The following ZNF568 variants were observed in gnomAD, a reference collection of about 807,000 sequenced individuals.
ZNF568 encodes zinc finger protein 568, also known as p53 inhibitor of SCO2 activation.
A neutral mutation model predicts 18.1 loss-of-function variants in ZNF568; 11 were observed. The ratio of observed to expected loss-of-function variants is 0.61; its 90% CI spans 0.38 to 1.00. The LOEUF (loss-of-function observed/expected upper bound fraction) is 1.00, where lower values mean the gene tolerates loss of function less well. Ranked by LOEUF, ZNF568 falls within the 50% of genes least tolerant of loss-of-function variation. The pLI is 0.01. For synonymous variants in ZNF568, 213 were observed against 246.6 expected, an observed-to-expected ratio of 0.86 and a Z score of 1.28; for missense variants, 639 against 768.2, an observed-to-expected ratio of 0.83 and a Z score of 1.99.
chr19:36,937,205 G>A lies in ZNF568; in HGVS notation c.321G>A (p.Trp107Ter). Residue 107 changes from tryptophan (W) to a stop codon, truncating the protein, a stop_gained, in exon 6 of 7, where the codon TGG becomes TGA. Coordinates refer to ENST00000333987, the MANE Select transcript of ZNF568 (RefSeq NM_198539.4). LOFTEE classifies it low-confidence loss of function (END_TRUNC). ...AGTTGGAGCAAGAAGAGGAGCCCTGGGTGATGGAGGAAGAAATGTTTGGGA... is the reference window on the plus strand; with the variant it reads ...AGTTGGAGCAAGAAGAGGAGCCCTGAGTGATGGAGGAAGAAATGTTTGGGA... ...IFKLEQEEEP[W>*]VMEEEMFGRH... is the part of the protein sequence containing the mutation. 1 of 1,614,010 alleles carries A rather than the reference G, an allele frequency of 6.2e-7. No homozygotes were observed.
chr19:36,971,695 C>T (rs527654052), intron 6 of ZNF568, among the ~76,000 whole-genome samples: 6 of 152,074 alleles, frequency 3.9e-5, no homozygotes, highest in Admixed American at 6.5e-5. Context: ...CACACCACCA[C>T]GCCAGGCTAA....
At chr19:36,945,544 TAATC>T (rs1568390288) in intron 6 of ZNF568, among the ~76,000 whole-genome samples, 2 of 152,190 alleles carry the variant, frequency 1.3e-5, no homozygotes, top group Non-Finnish European at 2.9e-5. Context: ...AAATATGTGT[TAATC>T]AACTATGTTT....
At chr19:36,954,157 G>A (rs749467891), downstream of ZNF568, among the ~76,000 whole-genome samples, 4 of 151,542 alleles carry the variant, frequency 2.6e-5, no homozygotes, top group East Asian at 2.0e-4. Context: ...CTAGAGGGGC[G>A]GAGGTTGCAG....
intron 2 of ZNF568, among the ~76,000 whole-genome samples, chr19:36,921,588 G>A (rs2073457104): frequency 1.3e-5 from 2 of 151,772 alleles, no homozygotes; most frequent in Admixed American, 6.6e-5. Context: ...TGTTTTATTT[G>A]TTCTATCATA....
chr19:36,983,420 C>A (rs759828096), downstream of ZNF568, among the ~76,000 whole-genome samples: 1 of 152,170 alleles, frequency 6.6e-6, no homozygotes, highest in Non-Finnish European at 1.5e-5. Context: ...ATCCTCCCCC[C>A]GCCCATAAGG....
chr19:36,992,542 T>C (rs10421415), intron 4 of ZNF568, among the ~76,000 whole-genome samples: 81,217 of 151,874 alleles, frequency 0.53, 22,236 homozygotes, highest in African/African-American at 0.62. Context: ...CTCCATTTAC[T>C]AGGCTCTCTT....
In ZNF568 at chr19:36,950,755, A is replaced by G. The variant is rs142116071; in HGVS notation, c.1602A>G (p.Gln534=). 173 of 1,613,714 alleles carry G rather than the reference A, an allele frequency of 1.1e-4. No homozygotes were observed. The East Asian group carries it at 3.6e-3, about 34-fold the overall frequency. The part of the protein sequence containing the change: ...HTGEKPYHCN[Q]CGKAFSQRQN... ...GAGAGAAACCTTATCATTGTAATCA[A>G]TGTGGGAAAGCTTTCAGTCAGAGAC... is the stretch of plus-strand genomic sequence containing the variant. Residue 534 remains glutamine, a synonymous_variant, in exon 7 of 7, where the codon CAA becomes CAG. Coordinates refer to ENST00000333987, the MANE Select transcript of ZNF568 (RefSeq NM_198539.4).
chr19:36,956,317 T>G (rs1368374483), downstream of ZNF568, among the ~76,000 whole-genome samples: 5 of 152,222 alleles, frequency 3.3e-5, no homozygotes, highest in Non-Finnish European at 7.3e-5. Flanking sequence ...AAGGTTACAC[T>G]GTCTCCCTTC....
chr19:36,985,683 C>T (rs944841558), intron 2 of ZNF568, among the ~76,000 whole-genome samples: 2 of 151,998 alleles, frequency 1.3e-5, no homozygotes, highest in African/African-American at 2.4e-5. Flanking sequence ...CCACCATGCC[C>T]GGCTAATTTT....
intron 6 of ZNF568, among the ~76,000 whole-genome samples, chr19:36,958,420 G>C (rs2146320590): frequency 6.6e-6 from 1 of 151,942 alleles, no homozygotes; most frequent in African/African-American, 2.4e-5. Flanking sequence ...AAGGTTAATA[G>C]TTATTGATTC....
chr19:36,970,927 G>A (rs766576056), intron 6 of ZNF568, among the ~76,000 whole-genome samples: 2 of 151,946 alleles, frequency 1.3e-5, no homozygotes, highest in Non-Finnish European at 2.9e-5. Flanking sequence ...TTATAGAGTT[G>A]TACATAACAG....
chr19:36,973,521 G>T (rs3816390), intron 6 of ZNF568: 28,698 of 154,192 alleles, frequency 0.19, 2,764 homozygotes, highest in African/African-American at 0.24. Flanking sequence ...GTGTCGGGCC[G>T]CGCGCAGGCA....
intron 4 of ZNF568, among the ~76,000 whole-genome samples, chr19:36,934,862 TTC>T (rs2073762168): frequency 1.3e-5 from 2 of 152,300 alleles, no homozygotes; most frequent in African/African-American, 2.4e-5. Context: ...ACAAATTTCT[TTC>T]TGTTAGTGAT....
At chr19:36,924,987 A>G (rs1390649435) in intron 3 of ZNF568, among the ~76,000 whole-genome samples, 1 of 152,190 alleles carries the variant, frequency 6.6e-6, no homozygotes. Flanking sequence ...GGCACTGCAT[A>G]CTTAGCCCTC....
intron 4 of ZNF568, among the ~76,000 whole-genome samples, chr19:36,927,918 T>C (rs1460152219): frequency 1.2e-5 from 1 of 85,530 alleles, no homozygotes; most frequent in Non-Finnish European, 2.1e-5. Flanking sequence ...TTTTTTTTTT[T>C]TTTTTTTTTT....
chr19:36,949,036 C>T (rs2074013729), intron 6 of ZNF568, among the ~76,000 whole-genome samples: 1 of 152,080 alleles, frequency 6.6e-6, no homozygotes. Flanking sequence ...TCTTGTTCAT[C>T]TTTTTTTACA....
At chr19:36,942,576 G>A (rs960726562) in intron 6 of ZNF568, among the ~76,000 whole-genome samples, 1 of 138,330 alleles carries the variant, frequency 7.2e-6, no homozygotes, top group African/African-American at 2.8e-5. Context: ...TCCAGCCTGG[G>A]TGACAGGACC....
At chr19:36,920,920 A>G (rs757123930) in intron 2 of ZNF568, among the ~76,000 whole-genome samples, 24 of 152,120 alleles carry the variant, frequency 1.6e-4, no homozygotes, top group Non-Finnish European at 2.9e-4. Flanking sequence ...ATGTTTAGAT[A>G]TACAAACACC....
intron 4 of ZNF568, among the ~76,000 whole-genome samples, chr19:36,933,127 A>G (rs2073715265): frequency 7.1e-6 from 1 of 139,972 alleles, no homozygotes; most frequent in African/African-American, 2.7e-5. Context: ...ATAATTTACA[A>G]CTATGTATTC....
Sources: gnomAD v4.1 joint callset for allele counts (sites outside exome capture counted in the v4.1 genomes callset) on GRCh38, gnomAD v4.1.1 for gene constraint, MANE v1.5 for transcripts, NCBI Gene and HGNC (gene_info 2026-07-23, HGNC 2026-07-21) for gene names.